PEX11A: variants seen among roughly 807,000 people sequenced by gnomAD.
PEX11A encodes the protein peroxisomal membrane protein 11A.
In PEX11A, 13 loss-of-function variants were observed where a neutral mutation model predicts 14.4. The ratio of observed to expected loss-of-function variants is 0.90; its 90% confidence interval spans 0.59 to 1.43. The LOEUF (loss-of-function observed/expected upper bound fraction) is 1.43, where lower values mean the gene tolerates loss of function less well. PEX11A is among the 40% of genes most tolerant of loss of function. The pLI is 0.00. For synonymous variants in PEX11A, 101 were observed against 113.0 expected (o/e 0.89, Z 0.67); for missense variants, 290 against 302.8 (o/e 0.96, Z 0.31).
At chr15:89,690,386 C>A (rs953190730) in intron 1 of PEX11A, among the ~76,000 whole-genome samples, 191 bp downstream of exon 1, 1 of 152,102 alleles carries the variant, frequency 6.6e-6, no homozygotes, top group Non-Finnish European at 1.5e-5. Flanking sequence ...GACGCGGGTG[C>A]GTTGGGCCCA....
intron 2 of PEX11A, among the ~76,000 whole-genome samples, chr15:89,684,673 G>A (rs7174990): frequency 0.012 from 1,768 of 152,288 alleles, 33 homozygotes; most frequent in African/African-American, 0.041. Flanking sequence ...TTGTCACAGA[G>A]CTCCTAGTTG....
At chr15:89,687,911 TA>T in intron 1 of PEX11A, 1 of 486,182 alleles carries the variant, frequency 2.1e-6, no homozygotes. Flanking sequence ...ATTGTCTTCA[TA>T]ATAAAACAAA....
rs534315849 is a variant in PEX11A, at chr15:89,688,444, G to A, written c.57-1898C>T. ...GTCTCGCTCTGTTGCCCAGGCTGGA[G>A]GGTAGTGGTGCGTTCTTGGCTCTCT... On this transcript the variant is annotated intron_variant, in intron 1 of 2. Transcript: ENST00000300056. Among the ~76,000 whole-genome samples the A allele has an allele frequency of 4.3e-4, 66 of 152,230 alleles. 1 individual carries two copies. In the South Asian group the frequency reaches 8.9e-3, roughly 21 times the overall value.
In PEX11A at chr15:89,690,619, G is replaced by T; in HGVS notation, c.14C>A (p.Thr5Asn). Residue 5 changes from threonine to asparagine, a missense_variant, in exon 1 of 3, where the codon ACC becomes AAC. Physicochemically the swap from Thr to Asn is moderately conservative, Grantham distance 65 (BLOSUM62 0). Transcript: ENST00000300056. MDAF[T>N]RFTNQTQGRD... The stretch of plus-strand genomic sequence containing the variant: ...GCCCTGGGTCTGGTTGGTGAAGCGG[G>T]TGAAGGCGTCCATGGCTTCTAGCCC... 1.9e-6 allele frequency: 3 copies of T among 1,551,416 alleles called. No individual in the cohort carries two copies. The highest frequency in any genetic ancestry group is 1.2e-5 in the South Asian group (1 of 84,054).
rs756059462 is a variant in PEX11A at position 89,681,675 on chromosome 15, A to C, written c.*1702T>G. The C allele has an allele frequency of 8.9e-5, 49 of 549,700 alleles. No individual in the cohort carries two copies. Among genetic ancestry groups the C allele is most frequent in the Admixed American group, 1.5e-4 (5 of 32,818 alleles). 34.1% of individuals were successfully genotyped at this position (549,700 alleles called of 1,614,324 possible). On this transcript the variant is annotated 3_prime_UTR_variant, in exon 3 of 3. Coordinates refer to ENST00000300056, the MANE Select transcript of PEX11A (RefSeq NM_003847.3). ...AAATTCCCTAAATTTTATTTCTCAAATCCCATATCGTGATTGGTTAAACAG... is the reference window on the plus strand; with the variant it reads ...AAATTCCCTAAATTTTATTTCTCAACTCCCATATCGTGATTGGTTAAACAG...
chr15:89,690,663 G>A lies in PEX11A; in HGVS notation c.-31C>T, dbSNP rs995540765. The A allele has an allele frequency of 1.3e-6, 2 of 1,535,712 alleles. No homozygotes were observed. Among genetic ancestry groups the A allele is most frequent in the Non-Finnish European group, 1.8e-6 (2 of 1,133,616 alleles). On this transcript the variant is annotated 5_prime_UTR_variant, in exon 1 of 3. Transcript: ENST00000300056. Reference sequence around the variant, plus strand: ...CTAGCCCAAAGGCCACGAGTCGCACGGGGCTCAGGCGTGGGTCCTCTGGGG... The same window carrying A: ...CTAGCCCAAAGGCCACGAGTCGCACAGGGCTCAGGCGTGGGTCCTCTGGGG...
chr15:89,689,897 G>A (rs1964775613), intron 1 of PEX11A, among the ~76,000 whole-genome samples: 2 of 152,176 alleles, frequency 1.3e-5, no homozygotes, highest in Admixed American at 6.5e-5. Flanking sequence ...TTGGGAAGCC[G>A]AGGTGGACAG....
chr15:89,688,340 G>A, intron 1 of PEX11A: 1 of 270,198 alleles, frequency 3.7e-6, no homozygotes. Flanking sequence ...AAGGAGGTTG[G>A]GAAATGAATG....
In PEX11A at chr15:89,683,383, G is replaced by C. The variant is rs543042721; in HGVS notation, c.738C>G (p.Thr246=). Residue 246 remains threonine (T), a synonymous_variant, in exon 3 of 3, where the codon ACC becomes ACG. Transcript: ENST00000300056. ...TTCCAAGCCTAAAAACACCCTAACG[G>C]GTCTTCAGCTTCATCTGAGGATATG... ...TVAYPQMKLK[T]R The C allele has an allele frequency of 2.5e-6, 4 of 1,609,348 alleles. No homozygotes were observed. The highest frequency in any genetic ancestry group is 3.4e-5 in the Admixed American group (2 of 59,502).
rs950073751 is a variant in PEX11A at position 89,682,609 on chromosome 15, G to C, written c.*768C>G. ...ACTCAATTCTGAAGACAGTGGGAGA[G>C]CATGGAGAGAACACTGGATTAGGAG... is the stretch of plus-strand genomic sequence containing the variant. On this transcript the variant is annotated 3_prime_UTR_variant, in exon 3 of 3. Transcript: ENST00000300056. 1 of 152,268 alleles carries C rather than the reference G, an allele frequency of 6.6e-6. No homozygotes were observed. Among genetic ancestry groups the C allele is most frequent in the Non-Finnish European group, 1.5e-5 (1 of 68,056 alleles). 9.4% of individuals were successfully genotyped at this position (152,268 alleles called of 1,614,324 possible). A position where few individuals can be genotyped will look rare whatever the true frequency, so the allele number is the denominator to read the frequency against.
chr15:89,686,232 C>T (rs1019097056), intron 2 of PEX11A, among the ~76,000 whole-genome samples, 199 bp downstream of exon 2: 6 of 152,216 alleles, frequency 3.9e-5, no homozygotes, highest in Non-Finnish European at 8.8e-5. Context: ...CAGATGTGAA[C>T]ATAAGAGGGT....
chr15:89,690,670 A>T lies in PEX11A; in HGVS notation c.-38T>A. 6.6e-7 allele frequency: 1 copy of T among 1,505,278 alleles called. No individual in the cohort carries two copies. Among genetic ancestry groups the T allele is most frequent in the Non-Finnish European group, 9.0e-7 (1 of 1,106,218 alleles). The allele number at this position is 1,505,278 out of a possible 1,614,324, so 93.2% of individuals were successfully genotyped here. A position where few individuals can be genotyped will look rare whatever the true frequency, so the allele number is the denominator to read the frequency against. Reference sequence around the variant, plus strand: ...AAAGGCCACGAGTCGCACGGGGCTCAGGCGTGGGTCCTCTGGGGCCCGTCG... The same window carrying T: ...AAAGGCCACGAGTCGCACGGGGCTCTGGCGTGGGTCCTCTGGGGCCCGTCG... On this transcript the variant is annotated 5_prime_UTR_variant, in exon 1 of 3. Coordinates refer to ENST00000300056, the MANE Select transcript of PEX11A (RefSeq NM_003847.3).
chr15:89,686,280 T>G, intron 2 of PEX11A, 151 bp downstream of exon 2: 2 of 581,624 alleles, frequency 3.4e-6, no homozygotes, highest in East Asian at 2.9e-5. Context: ...TCAAACCTGT[T>G]GTGCCATGAG....
intron 1 of PEX11A, among the ~76,000 whole-genome samples, chr15:89,689,263 G>A (rs1367239794): frequency 2.0e-5 from 3 of 152,144 alleles, no homozygotes; most frequent in Admixed American, 6.5e-5. Flanking sequence ...ACCTCTTTCT[G>A]CTTCAGTTTC....
At chr15:89,690,295 T>A (rs1964797702) in intron 1 of PEX11A, among the ~76,000 whole-genome samples, 1 of 152,222 alleles carries the variant, frequency 6.6e-6, no homozygotes, top group South Asian at 2.1e-4. Flanking sequence ...GGAGGATCTG[T>A]CAGCCGGTGT....
rs186678055 is a variant in PEX11A at position 89,690,729 on chromosome 15, G to T, written c.-97C>A. 2 of 845,808 alleles carry T rather than the reference G, an allele frequency of 2.4e-6. No individual in the cohort carries two copies. The highest frequency in any genetic ancestry group is 1.9e-6 in the Non-Finnish European group (1 of 538,256). 52.4% of individuals were successfully genotyped at this position (845,808 alleles called of 1,614,324 possible). A position where few individuals can be genotyped will look rare whatever the true frequency, so the allele number is the denominator to read the frequency against. On this transcript the variant is annotated 5_prime_UTR_variant, in exon 1 of 3. Coordinates refer to ENST00000300056, the MANE Select transcript of PEX11A (RefSeq NM_003847.3). ...GGGAACGGTCAGTCCCAGGTTATCC[G>T]CTGAGGGGGAGGGGCTGAGTCTCTC...
chr15:89,689,706 A>G (rs569389360), intron 1 of PEX11A, among the ~76,000 whole-genome samples: 29 of 152,056 alleles, frequency 1.9e-4, no homozygotes, highest in East Asian at 3.8e-4. Flanking sequence ...TTTCCCCCCA[A>G]TCCAGTTGGT....
chr15:89,683,635 C>T lies in PEX11A; in HGVS notation c.486G>A (p.Gln162=), dbSNP rs2141547388. ...CAGCCACGCTGAACCAAAGAGGATCCTGGGATGCTGATTTCTCTTTCTTTG... is the reference window on the plus strand; with the variant it reads ...CAGCCACGCTGAACCAAAGAGGATCTTGGGATGCTGATTTCTCTTTCTTTG... The part of the protein sequence containing the change: ...DRAKKEKSAS[Q]DPLWFSVAEE... The change falls in exon 3 of 3, where the codon CAG becomes CAA. Residue 162 remains glutamine (Q), a synonymous_variant. Coordinates refer to ENST00000300056, the MANE Select transcript of PEX11A (RefSeq NM_003847.3). The T allele has an allele frequency of 6.2e-7, 1 of 1,614,160 alleles. No homozygotes were observed. The highest frequency in any genetic ancestry group is 1.1e-5 in the South Asian group (1 of 91,090).
chr15:89,686,859 T>C (rs368567178), intron 1 of PEX11A, among the ~76,000 whole-genome samples: 30 of 151,864 alleles, frequency 2.0e-4, no homozygotes, highest in African/African-American at 6.5e-4. Context: ...GTACAAAATC[T>C]CCCTCATGTT....
Sources: gnomAD v4.1 joint callset for allele counts (sites outside exome capture counted in the v4.1 genomes callset) on GRCh38, gnomAD v4.1.1 for gene constraint, MANE v1.5 for transcripts, NCBI Gene and HGNC (gene_info 2026-07-23, HGNC 2026-07-21) for gene names.